Variants in EFHC2 observed in about 807,000 individuals in gnomAD.
EFHC2 encodes EF-hand domain-containing family member C2.
A neutral mutation model predicts 52.7 loss-of-function variants in EFHC2; 18 were observed. The ratio of observed to expected loss-of-function variants is 0.34; its 90% CI spans 0.24 to 0.51. The LOEUF (loss-of-function observed/expected upper bound fraction) is 0.51. Among genes scored for constraint, EFHC2 ranks in the 20% least tolerant of loss-of-function variants. The pLI is 0.97. For missense variants in EFHC2, 513 were observed against 562.5 expected, an observed-to-expected ratio of 0.91 and a Z score of 0.89; for synonymous variants, 203 against 204.1, an observed-to-expected ratio of 0.99 and a Z score of 0.04.
chrX:44,274,854 T>A (rs1181471422), intron 2 of EFHC2, among the ~76,000 whole-genome samples: 1 of 111,251 alleles, frequency 9.0e-6, no homozygotes, highest in Non-Finnish European at 1.9e-5. Context: ...ACCTCGCCAC[T>A]GCACTCCAGC....
chrX:44,327,726 A>G (rs1602219846), intron 1 of EFHC2, among the ~76,000 whole-genome samples: 1 of 112,005 alleles, frequency 8.9e-6, no homozygotes, highest in Non-Finnish European at 1.9e-5. Context: ...AGACTATAAG[A>G]GCATGAAAGC....
At chrX:44,328,701 C>T (rs1217558412) in intron 1 of EFHC2, among the ~76,000 whole-genome samples, 4 of 111,623 alleles carry the variant, frequency 3.6e-5, no homozygotes, top group Non-Finnish European at 5.6e-5. Flanking sequence ...TATGTAACTT[C>T]ACTTTAGCCT....
At chrX:44,218,003 T>A (rs1364809395) in intron 11 of EFHC2, among the ~76,000 whole-genome samples, 1 of 111,043 alleles carries the variant, frequency 9.0e-6, no homozygotes, top group African/African-American at 3.3e-5. Flanking sequence ...AATTGTAAAT[T>A]AAAAAAGATT....
intron 2 of EFHC2, among the ~76,000 whole-genome samples, chrX:44,282,970 G>A (rs2037718610): frequency 9.2e-6 from 1 of 109,276 alleles, no homozygotes; most frequent in Non-Finnish European, 1.9e-5. Context: ...TGGCAGGCGA[G>A]GTGATGGGGG....
chrX:44,280,023 TC>T (rs2037690291), intron 2 of EFHC2, among the ~76,000 whole-genome samples: 1 of 62,247 alleles, frequency 1.6e-5, no homozygotes, highest in Admixed American at 2.1e-4. Flanking sequence ...ACATCCACCA[TC>T]CCCCATACAC....
At chrX:44,327,805 G>A (rs905894517) in intron 1 of EFHC2, among the ~76,000 whole-genome samples, 4 of 111,680 alleles carry the variant, frequency 3.6e-5, no homozygotes, top group East Asian at 2.8e-4. Context: ...AAAAAGGCAC[G>A]TCAAAGAAAA....
At chrX:44,341,277 G>A (rs1602225318) in intron 1 of EFHC2, among the ~76,000 whole-genome samples, 1 of 111,937 alleles carries the variant, frequency 8.9e-6, no homozygotes, top group African/African-American at 3.2e-5. Context: ...GAACAGAAAG[G>A]TTCATAGGTA....
At chrX:44,165,129 G>A (rs955404355) in intron 13 of EFHC2, among the ~76,000 whole-genome samples, 1 of 111,376 alleles carries the variant, frequency 9.0e-6, no homozygotes, top group Admixed American at 9.6e-5. Flanking sequence ...CCTATTCCAG[G>A]ATCCTGCCCT....
chrX:44,287,399 A>G (rs1250497327), intron 2 of EFHC2, among the ~76,000 whole-genome samples: 2 of 111,966 alleles, frequency 1.8e-5, no homozygotes, highest in African/African-American at 6.5e-5. Flanking sequence ...TGTTTCTAAC[A>G]TGCAGGAGAG....
At chrX:44,150,640 C>T (rs767819447) in intron 14 of EFHC2, among the ~76,000 whole-genome samples, 3 of 111,281 alleles carry the variant, frequency 2.7e-5, no homozygotes, top group Non-Finnish European at 5.7e-5. Flanking sequence ...ACTATAATAC[C>T]GCAGAAAAAT....
At chrX:44,262,292 C>T in intron 3 of EFHC2, among the ~76,000 whole-genome samples, 1 of 107,501 alleles carries the variant, frequency 9.3e-6, no homozygotes, top group Non-Finnish European at 1.9e-5. Flanking sequence ...CCCAAGAGTT[C>T]GAGACCAGCC....
chrX:44,251,054 C>T (rs1257670221), intron 4 of EFHC2, among the ~76,000 whole-genome samples: 7 of 103,276 alleles, frequency 6.8e-5, no homozygotes, highest in Non-Finnish European at 1.2e-4. Context: ...CTGACTAACA[C>T]GGTGAAACCC....
intron 13 of EFHC2, among the ~76,000 whole-genome samples, chrX:44,171,945 T>A (rs960405203): frequency 9.9e-5 from 11 of 111,164 alleles, no homozygotes; most frequent in African/African-American, 3.6e-4. Context: ...TCTGCCACAA[T>A]AACTACCACA....
chrX:44,267,546 A>T (rs2037587184), intron 3 of EFHC2, among the ~76,000 whole-genome samples: 2 of 111,971 alleles, frequency 1.8e-5, no homozygotes, highest in South Asian at 7.5e-4. Context: ...GAGGCAACCA[A>T]AAGGGAGCAG....
chrX:44,283,486 G>A lies in EFHC2; in HGVS notation c.232-10650C>T, dbSNP rs183994314. Among the ~76,000 whole-genome samples the A allele has an allele frequency of 3.8e-3, 417 of 110,397 alleles. 1 individual carries two copies. Among genetic ancestry groups the A allele is most frequent in the Admixed American group, 6.4e-3 (66 of 10,364 alleles). On this transcript the variant is annotated intron_variant, in intron 2 of 14. Coordinates refer to ENST00000420999, the MANE Select transcript of EFHC2 (RefSeq NM_025184.4). The stretch of plus-strand genomic sequence containing the variant: ...CGTAAGCCACGGCGCACGGCCGATC[G>A]GAAGCACTTTGACTCCCCGGAAGCA...
chrX:44,182,285 A>G (rs758152432), intron 11 of EFHC2, among the ~76,000 whole-genome samples: 2 of 112,703 alleles, frequency 1.8e-5, no homozygotes, highest in South Asian at 7.3e-4. Context: ...TATTCATTGT[A>G]CTATCATACT....
At chrX:44,336,395 A>G (rs1290126493) in intron 1 of EFHC2, among the ~76,000 whole-genome samples, 1 of 110,085 alleles carries the variant, frequency 9.1e-6, no homozygotes, top group East Asian at 2.8e-4. Context: ...AAAAAAAAAA[A>G]AGAGAGAGAG....
At chrX:44,309,125 G>C (rs182850923) in intron 2 of EFHC2, among the ~76,000 whole-genome samples, 1 of 112,532 alleles carries the variant, frequency 8.9e-6, no homozygotes, top group African/African-American at 3.2e-5. Context: ...AGCCAGGCCT[G>C]CTGGCAAAAG....
At chrX:44,210,637 T>A (rs2037088272) in intron 11 of EFHC2, among the ~76,000 whole-genome samples, 2 of 112,405 alleles carry the variant, frequency 1.8e-5, no homozygotes, top group African/African-American at 3.2e-5. Flanking sequence ...GAGCAAAACT[T>A]TTTAACAAAT....
Sources: allele counts gnomAD v4.1 joint callset (sites outside exome capture counted in the v4.1 genomes callset), GRCh38; gene constraint gnomAD v4.1.1; transcripts MANE v1.5; gene names NCBI Gene and HGNC (gene_info 2026-07-23, HGNC 2026-07-21).